Variants in KIFC3 observed in about 807,000 individuals in gnomAD.
The protein encoded by KIFC3 is kinesin family member C3.
In KIFC3, 60 loss-of-function variants were observed where a neutral mutation model predicts 101.8. That is an observed-to-expected ratio of 0.59 (90% CI 0.48 to 0.73). The LOEUF (loss-of-function observed/expected upper bound fraction) is 0.73, where lower values mean the gene tolerates loss of function less well. Ranked by LOEUF, KIFC3 falls within the 30% of genes least tolerant of loss-of-function variation. The pLI is 0.00. For missense variants in KIFC3, 966 were observed against 1,137.1 expected, an observed-to-expected ratio of 0.85 and a Z score of 2.16; for synonymous variants, 476 against 482.7, an observed-to-expected ratio of 0.99 and a Z score of 0.18.
chr16:57,804,936 G>A (rs576789977), upstream of KIFC3, among the ~76,000 whole-genome samples: 2 of 147,430 alleles, frequency 1.4e-5, no homozygotes, highest in Non-Finnish European at 3.0e-5. Flanking sequence ...ACGGGGGCTC[G>A]CTCTGTCACC....
Position 57,849,021 on chromosome 16 carries a change from T to C in KIFC3, c.108+13708A>G, listed in dbSNP as rs2055994412. 2.0e-5 allele frequency among the ~76,000 whole-genome samples: 3 copies of C among 152,224 alleles called. No individual in the cohort carries two copies. The South Asian group carries it at 6.2e-4, about 32-fold the overall frequency. Reference sequence around the variant, plus strand: ...AAAACTGTTCTTCCTGTAGATGTCATGGTAAGTACCACACTTTTTCTGTGC... The same window carrying C: ...AAAACTGTTCTTCCTGTAGATGTCACGGTAAGTACCACACTTTTTCTGTGC... On this transcript the variant is annotated intron_variant, in intron 1 of 2. Coordinates refer to the KIFC3 transcript ENST00000563028.
chr16:57,758,598 T>C lies in KIFC3; in HGVS notation c.*336A>G. 2 of 685,366 alleles carry C rather than the reference T, an allele frequency of 2.9e-6. No individual in the cohort carries two copies. The highest frequency in any genetic ancestry group is 5.3e-6 in the Non-Finnish European group (2 of 374,434). The allele number at this position is 685,366 out of a possible 1,614,324, so 42.5% of individuals were successfully genotyped here. A position where few individuals can be genotyped will look rare whatever the true frequency, so the allele number is the denominator to read the frequency against. On this transcript the variant is annotated 3_prime_UTR_variant, in exon 20 of 20. Coordinates refer to ENST00000445690, the MANE Select transcript of KIFC3 (RefSeq NM_001130100.2). ...AGGAGAGGGGCCGAGAAAGCCTGGG[T>C]GAGAGGCCCACCCTCCTCCACACTC...
intron 3 of KIFC3, among the ~76,000 whole-genome samples, chr16:57,792,187 G>A (rs1315574289): frequency 3.3e-5 from 5 of 152,206 alleles, no homozygotes; most frequent in African/African-American, 1.2e-4. Context: ...ACATGGGGGA[G>A]TGGTGGGCCC....
chr16:57,759,023 G>A (rs1036050785), intron 19 of KIFC3, 102 bp downstream of exon 19: 124 of 1,532,968 alleles, frequency 8.1e-5, no homozygotes, highest in Middle Eastern at 1.7e-4. Flanking sequence ...AGCGACAGCA[G>A]GGGCTAGACC....
At chr16:57,830,295 T>C (rs1390662411) in intron 1 of KIFC3, among the ~76,000 whole-genome samples, 3 of 146,702 alleles carry the variant, frequency 2.0e-5, no homozygotes, top group African/African-American at 7.5e-5. Flanking sequence ...TGGAGTGCAA[T>C]GGTGTAATCT....
At chr16:57,838,115 G>T (rs2055733048) in intron 1 of KIFC3, among the ~76,000 whole-genome samples, 1 of 152,148 alleles carries the variant, frequency 6.6e-6, no homozygotes, top group African/African-American at 2.4e-5. Context: ...TTCTGAAGGA[G>T]CAATTGTTTT....
chr16:57,793,050 G>C (rs1555620940), intron 3 of KIFC3, among the ~76,000 whole-genome samples: 2 of 151,922 alleles, frequency 1.3e-5, no homozygotes, highest in Non-Finnish European at 2.9e-5. Context: ...ACTTTGGGAG[G>C]TTGAGGCGGG....
At chr16:57,861,229 CG>C (rs1209183818) in intron 1 of KIFC3, among the ~76,000 whole-genome samples, 11 of 152,222 alleles carry the variant, frequency 7.2e-5, no homozygotes, top group Middle Eastern at 3.4e-3. Flanking sequence ...AATATTGGGA[CG>C]TTTCCATAAG....
upstream of KIFC3, among the ~76,000 whole-genome samples, chr16:57,804,005 C>T (rs1164648932): frequency 6.6e-6 from 1 of 152,170 alleles, no homozygotes; most frequent in Non-Finnish European, 1.5e-5. Context: ...ATGGGGAGGA[C>T]AGAATGTCTT....
chr16:57,832,941 C>T (rs1480404195), intron 1 of KIFC3, among the ~76,000 whole-genome samples: 6 of 152,098 alleles, frequency 3.9e-5, no homozygotes, highest in Non-Finnish European at 7.3e-5. Flanking sequence ...GGCTCGGTGG[C>T]TCATACCTGT....
chr16:57,759,969 G>A, intron 17 of KIFC3, 133 bp from the exon 18 acceptor site: 2 of 664,332 alleles, frequency 3.0e-6, no homozygotes, highest in Non-Finnish European at 2.5e-6. Context: ...CATGATGTTT[G>A]TGCCCCAGCC....
In KIFC3 at chr16:57,758,537, C is replaced by T. The variant is rs963175730; in HGVS notation, c.*397G>A. 3.4e-6 allele frequency: 2 copies of T among 585,938 alleles called. No homozygotes were observed. Among genetic ancestry groups the T allele is most frequent in the Non-Finnish European group, 6.4e-6 (2 of 313,558 alleles). The allele number at this position is 585,938 out of a possible 1,614,324, so 36.3% of individuals were successfully genotyped here. ...GGTCTGCCCAGAGGCTCCTCGCCCA[C>T]CCCCTAAGGAGGGGGCTGGCCAGCT... On this transcript the variant is annotated 3_prime_UTR_variant, in exon 20 of 20. Transcript: ENST00000445690.
Position 57,777,646 on chromosome 16 carries a change from G to A in KIFC3, c.316-5358C>T, listed in dbSNP as rs534035585. On this transcript the variant is annotated intron_variant, in intron 3 of 19. Coordinates refer to ENST00000445690, the MANE Select transcript of KIFC3 (RefSeq NM_001130100.2). ...TGAGGCAGGAGAATCGCTTGAACCC[G>A]AGAGGCAGAGGTCGCAGTGAGCTGA... 2.7e-3 allele frequency among the ~76,000 whole-genome samples: 410 copies of A among 151,958 alleles called. 1 individual carries two copies. Among genetic ancestry groups the A allele is most frequent in the Admixed American group, 7.9e-3 (121 of 15,248 alleles).
intron 3 of KIFC3, among the ~76,000 whole-genome samples, chr16:57,792,865 C>CAAAAAAAA (rs35129462): frequency 2.6e-5 from 1 of 38,424 alleles, no homozygotes; most frequent in African/African-American, 8.8e-5. Context: ...AGACCTTGCT[C>CAAAAAAAA]AAAAAAAAAA....
intron 18 of KIFC3, 181 bp downstream of exon 18, chr16:57,759,547 G>T (rs560540925): frequency 3.4e-6 from 2 of 590,972 alleles, no homozygotes; most frequent in Non-Finnish European, 6.0e-6. Flanking sequence ...CCTGCAGAAC[G>T]GACACAGCAC....
intron 1 of KIFC3, among the ~76,000 whole-genome samples, chr16:57,844,732 C>T (rs1243653252): frequency 1.3e-5 from 2 of 152,108 alleles, no homozygotes; most frequent in East Asian, 3.9e-4. Context: ...AGTCTGCAGC[C>T]CGTCTCGCTC....
At position 57,795,104 on chromosome 16, in the gene KIFC3, G is replaced by T. The variant is rs782064034; in HGVS notation, c.210C>A (p.Asp70Glu). ...GKDTPVCGDE[D>E]SSARSAARPA... The stretch of plus-strand genomic sequence containing the variant: ...GGCGAGCTGCACTTCGGGCACTGGA[G>T]TCCTCGTCACCGCAGACTGGGGTAT... The change falls in exon 3 of 20, where the codon GAC (aspartate) becomes GAA (glutamate). Residue 70 changes from aspartate (D) to glutamate (E), a missense_variant. Asp to Glu is a conservative substitution (Grantham distance 45). Around this residue, in one of 2 missense-constraint regions of KIFC3, gnomAD observed 277 missense variants for 252.5 expected, o/e 1.10. Coordinates refer to ENST00000445690, the MANE Select transcript of KIFC3 (RefSeq NM_001130100.2). The T allele has an allele frequency of 2.5e-6, 4 of 1,611,204 alleles. No homozygotes were observed. Among genetic ancestry groups the T allele is most frequent in the Non-Finnish European group, 2.5e-6 (3 of 1,178,826 alleles).
intron 1 of KIFC3, among the ~76,000 whole-genome samples, chr16:57,826,779 G>A (rs1555630854): frequency 6.6e-6 from 1 of 152,192 alleles, no homozygotes; most frequent in Non-Finnish European, 1.5e-5. Context: ...GACACACAGT[G>A]GAGTTCAGTT....
In KIFC3 at chr16:57,769,889, C is replaced by G. The variant is rs782053757; in HGVS notation, c.1006G>C (p.Glu336Gln). ...TCAATGGCCCGGTTCTTGTCCTCTT[C>G]CAGGGACTGCATCTCCTCCAGCATC... ...GQMLEEMQSL[E>Q]EDKNRAIEEA... is the part of the protein sequence containing the mutation. Residue 336 changes from glutamate to glutamine, a missense_variant, in exon 8 of 20, where the codon GAA becomes CAA. By Grantham distance (29) the Glu-to-Gln change is conservative. This residue lies in a region of KIFC3 where 689 missense variants were observed against 884.6 expected (regional missense o/e 0.78). Transcript: ENST00000445690. The surrounding 1 kb of genome is among the most constrained non-coding windows in gnomAD (Gnocchi z 4.3). The G allele has an allele frequency of 6.2e-7, 1 of 1,613,964 alleles. No homozygotes were observed. Among genetic ancestry groups the G allele is most frequent in the South Asian group, 1.1e-5 (1 of 91,088 alleles).
Sources: gnomAD v4.1 joint callset for allele counts (sites outside exome capture counted in the v4.1 genomes callset) on GRCh38, gnomAD v4.1.1 for gene constraint, gnomAD v4.1.1 regional missense constraint, Gnocchi (gnomAD v3.1) non-coding constraint, MANE v1.5 for transcripts, NCBI Gene and HGNC (gene_info 2026-07-23, HGNC 2026-07-21) for gene names.